Variants in INPP5A observed in about 807,000 individuals in gnomAD.
INPP5A encodes 43 kDa inositol polyphosphate 5-phophatase.
A neutral mutation model predicts 65.2 loss-of-function variants in INPP5A; 14 were observed. The observed-to-expected ratio is 0.21, with a 90% confidence interval of 0.14 to 0.34. The LOEUF is 0.34. Among genes scored for constraint, INPP5A ranks in the 10% least tolerant of loss-of-function variants. The probability of loss-of-function intolerance (pLI) is 1.00; values close to 1 mark genes in which losing one functional copy is unlikely to be tolerated. For missense variants in INPP5A, 431 were observed against 545.6 expected, an observed-to-expected ratio of 0.79 and a Z score of 2.09; for synonymous variants, 207 against 208.3, an observed-to-expected ratio of 0.99 and a Z score of 0.05.
At chr10:132,735,692 G>A (rs929745862) in intron 9 of INPP5A, among the ~76,000 whole-genome samples, 1 of 152,226 alleles carries the variant, frequency 6.6e-6, no homozygotes, top group Non-Finnish European at 1.5e-5. Flanking sequence ...TGGCAGGCTT[G>A]CTGGAAAGAC....
intron 9 of INPP5A, among the ~76,000 whole-genome samples, chr10:132,732,753 G>A (rs542757653): frequency 6.6e-6 from 1 of 152,268 alleles, no homozygotes. Flanking sequence ...GTGCTGCGTG[G>A]CACCTCCACG....
rs1477504380 is a variant in INPP5A, at chr10:132,650,171, C to T, written c.219-247C>T. Among the ~76,000 whole-genome samples, 3 of 152,196 alleles carry T rather than the reference C, an allele frequency of 2.0e-5. No individual in the cohort carries two copies. The highest frequency in any genetic ancestry group is 4.8e-5 in the African/African-American group (2 of 41,436). ...CTCCATCCCTGGGATGCCTCAGACCCCGGCATCTCACAGGCTGCGTGGAGA... is the reference window on the plus strand; with the variant it reads ...CTCCATCCCTGGGATGCCTCAGACCTCGGCATCTCACAGGCTGCGTGGAGA... On this transcript the variant is annotated intron_variant, in intron 3 of 15. Coordinates refer to ENST00000368594, the MANE Select transcript of INPP5A (RefSeq NM_005539.5). The surrounding 1 kb of genome is among the most constrained non-coding windows in gnomAD (Gnocchi z 5.5).
At position 132,552,290 on chromosome 10, in the gene INPP5A, T is replaced by C. The variant is rs543767655; in HGVS notation, c.75+14119T>C. 3.8e-3 allele frequency among the ~76,000 whole-genome samples: 506 copies of C among 134,578 alleles called. 1 individual carries two copies. The highest frequency in any genetic ancestry group is 0.011 in the African/African-American group (357 of 33,648). The allele number at this position is 134,578 out of a possible 152,430, so 88.3% of individuals were successfully genotyped here. The stretch of plus-strand genomic sequence containing the variant: ...TATTGAGTGGGATAGGGAGGGAGGA[T>C]TGGTGAACGCCTTCTCAGAGCCTTG... On this transcript the variant is annotated intron_variant, in intron 1 of 15. Transcript: ENST00000368594.
At chr10:132,652,417 T>C (rs1287704490) in intron 4 of INPP5A, among the ~76,000 whole-genome samples, 2 of 152,218 alleles carry the variant, frequency 1.3e-5, no homozygotes, top group Non-Finnish European at 2.9e-5. Flanking sequence ...ATGTCATGGC[T>C]CAGATTTCTT....
chr10:132,729,958 C>T (rs1324999310), intron 9 of INPP5A, among the ~76,000 whole-genome samples: 1 of 152,222 alleles, frequency 6.6e-6, no homozygotes, highest in East Asian at 1.9e-4. Context: ...GTGGAGCACT[C>T]CAGGGCGAGT....
chr10:132,774,234 A>G (rs2803982), intron 12 of INPP5A, among the ~76,000 whole-genome samples: 134,730 of 152,224 alleles, frequency 0.89, 59,842 homozygotes, highest in East Asian at 1. Context: ...CAGCATTGCC[A>G]GTGGTGCCTG....
intron 9 of INPP5A, among the ~76,000 whole-genome samples, chr10:132,728,584 C>T (rs752357826): frequency 6.6e-6 from 1 of 152,206 alleles, no homozygotes; most frequent in Non-Finnish European, 1.5e-5. Context: ...ACCTGTTACT[C>T]GAGAGCCAGT....
In INPP5A at chr10:132,569,341, TTTTTTTGTTAGTTTG is replaced by T. The variant is rs1307070185; in HGVS notation, c.75+31176_75+31190del. 3.1e-3 allele frequency among the ~76,000 whole-genome samples: 479 copies of T among 152,208 alleles called. 1 individual carries two copies. The highest frequency in any genetic ancestry group is 9.9e-3 in the African/African-American group (410 of 41,538). ...TGTAAATGTTTCTGCATTTTGCTTG[TTTTTTTGTTAGTTTG>T]TTTTTGGTTTCTTTGAGACAGGGTC... On this transcript the variant is annotated intron_variant, in intron 1 of 15. Transcript: ENST00000368594.
chr10:132,668,868 G>A (rs1049014528), intron 4 of INPP5A, among the ~76,000 whole-genome samples: 5 of 152,114 alleles, frequency 3.3e-5, no homozygotes, highest in African/African-American at 9.7e-5. Flanking sequence ...CACTGCTGGC[G>A]TTTATTGAGC....
intron 1 of INPP5A, among the ~76,000 whole-genome samples, chr10:132,558,815 C>G (rs184136789): frequency 6.6e-6 from 1 of 152,236 alleles, no homozygotes; most frequent in Non-Finnish European, 1.5e-5. Context: ...CTTTTGAAGC[C>G]GGCAGTCGCC....
At chr10:132,679,360 C>A (rs142511586) in intron 4 of INPP5A, among the ~76,000 whole-genome samples, 11 of 152,146 alleles carry the variant, frequency 7.2e-5, no homozygotes, top group Non-Finnish European at 1.5e-4. Flanking sequence ...TCGGACTTGT[C>A]ACGGGAGACC....
At position 132,538,565 on chromosome 10, in the gene INPP5A, G is replaced by A. The variant is rs755759939; in HGVS notation, c.75+394G>A. ...CAAACCCCAGAAACCGGGTCTGTGC[G>A]CACCAAACCCAGCCCCAGCCCTGAT... On this transcript the variant is annotated intron_variant, in intron 1 of 15. Coordinates refer to ENST00000368594, the MANE Select transcript of INPP5A (RefSeq NM_005539.5). This position sits in a 1 kb window ranked among gnomAD's most constrained non-coding sequence, Gnocchi z 4.1. 1.3e-5 allele frequency among the ~76,000 whole-genome samples: 2 copies of A among 152,048 alleles called. No individual in the cohort carries two copies. Among genetic ancestry groups the A allele is most frequent in the African/African-American group, 2.4e-5 (1 of 41,384 alleles).
rs190257566 is a variant in INPP5A, at chr10:132,644,055, A to G, written c.118-1813A>G. 2.6e-5 allele frequency among the ~76,000 whole-genome samples: 4 copies of G among 152,200 alleles called. No homozygotes were observed. In the East Asian group the frequency reaches 5.8e-4, roughly 22 times the overall value. ...CCAGACCACCGGAAACACTCAGACC[A>G]CCGGCACCAAGGGTTGTCTGTTTTC... On this transcript the variant is annotated intron_variant, in intron 2 of 15. Transcript: ENST00000368594. This position sits in a 1 kb window ranked among gnomAD's most constrained non-coding sequence, Gnocchi z 6.5.
chr10:132,596,813 G>C (rs1401278451), intron 1 of INPP5A, among the ~76,000 whole-genome samples: 1 of 151,056 alleles, frequency 6.6e-6, no homozygotes, highest in African/African-American at 2.4e-5. Context: ...GCGTTTGTGT[G>C]TGTCCATGTG....
intron 2 of INPP5A, among the ~76,000 whole-genome samples, chr10:132,617,297 CT>C (rs1483263938): frequency 2.0e-5 from 3 of 152,180 alleles, no homozygotes; most frequent in African/African-American, 4.8e-5. Context: ...TGCAGTGTGG[CT>C]TGGGGCAAAG....
rs761266211 is a variant in INPP5A, at chr10:132,698,568, C to T, written c.474+649C>T. 4.6e-5 allele frequency among the ~76,000 whole-genome samples: 7 copies of T among 152,242 alleles called. No individual in the cohort carries two copies. Among genetic ancestry groups the T allele is most frequent in the Admixed American group, 1.3e-4 (2 of 15,286 alleles). On this transcript the variant is annotated intron_variant, in intron 6 of 15. Transcript: ENST00000368594. This position sits in a 1 kb window ranked among gnomAD's most constrained non-coding sequence, Gnocchi z 5.5. ...ACGTGATCTTTGGGTAAACCTCACA[C>T]GCGGCATTGTCGGCGTCTCCCTGGC...
intron 8 of INPP5A, among the ~76,000 whole-genome samples, chr10:132,710,932 C>T (rs1013354743): frequency 7.9e-5 from 12 of 152,124 alleles, no homozygotes; most frequent in African/African-American, 2.9e-4. Flanking sequence ...TGTGCCTGCT[C>T]TGGGAGGCAC....
At chr10:132,742,105 A>T (rs12242672) in intron 9 of INPP5A, among the ~76,000 whole-genome samples, 32,075 of 152,160 alleles carry the variant, frequency 0.21, 3,557 homozygotes, top group Non-Finnish European at 0.25. Context: ...TTACTACCAG[A>T]TAGAGCTCAT....
At chr10:132,687,891 G>A (rs1845166090) in intron 4 of INPP5A, among the ~76,000 whole-genome samples, 1 of 152,212 alleles carries the variant, frequency 6.6e-6, no homozygotes, top group African/African-American at 2.4e-5. Flanking sequence ...CAGGACTCAG[G>A]CTTGCCAGCC....
Sources: allele counts gnomAD v4.1 joint callset (sites outside exome capture counted in the v4.1 genomes callset), GRCh38; gene constraint gnomAD v4.1.1; non-coding constraint Gnocchi (gnomAD v3.1); transcripts MANE v1.5; gene names NCBI Gene and HGNC (gene_info 2026-07-23, HGNC 2026-07-21).